The following DNMT1 variants were observed in gnomAD, a reference collection of about 807,000 sequenced individuals.
DNMT1 encodes the protein DNA (cytosine-5)-methyltransferase 1.
In DNMT1, 24 loss-of-function variants were observed where a neutral mutation model predicts 205.3. That is an observed-to-expected ratio of 0.12 (90% CI 0.08 to 0.16). The LOEUF (loss-of-function observed/expected upper bound fraction) is 0.16. DNMT1 is among the 10% of genes least tolerant of loss of function. The pLI, the probability that DNMT1 is intolerant of heterozygous loss-of-function variation, is 1.00. For missense variants in DNMT1, 1,293 were observed against 2,177.7 expected (o/e 0.59, Z 8.09); for synonymous variants, 817 against 839.8 (o/e 0.97, Z 0.47).
chr19:10,159,950 C>T lies in DNMT1; in HGVS notation c.1090-28G>A. 1 of 1,614,208 alleles carries T rather than the reference C, an allele frequency of 6.2e-7. No individual in the cohort carries two copies. Among genetic ancestry groups the T allele is most frequent in the Non-Finnish European group, 8.5e-7 (1 of 1,180,034 alleles). On this transcript the variant is annotated intron_variant, in intron 15 of 40. Coordinates refer to ENST00000359526, the MANE Select transcript of DNMT1 (RefSeq NM_001130823.3). The surrounding 1 kb of genome is among the most constrained non-coding windows in gnomAD (Gnocchi z 5.0). Reference sequence around the variant, plus strand: ...GTGGGAGCAGGAACACAGATGATGGCACTCAGAGAGCAGCTCCCAGCCGCC... The same window carrying T: ...GTGGGAGCAGGAACACAGATGATGGTACTCAGAGAGCAGCTCCCAGCCGCC...
At chr19:10,173,816 G>A in intron 8 of DNMT1, 55 bp downstream of exon 8, 1 of 1,599,682 alleles carries the variant, frequency 6.3e-7, no homozygotes, top group Non-Finnish European at 8.6e-7. Flanking sequence ...AAAGTTTTGT[G>A]ATCAAGATTA....
At chr19:10,164,386 G>A (rs946909689) in intron 11 of DNMT1, among the ~76,000 whole-genome samples, 16 of 152,096 alleles carry the variant, frequency 1.1e-4, no homozygotes, top group Non-Finnish European at 2.1e-4. Flanking sequence ...CAGGTGATCC[G>A]CCCACCTCAG....
intron 4 of DNMT1, 45 bp from the exon 5 acceptor site, chr19:10,180,279 T>C (rs1399300443): frequency 1.3e-6 from 2 of 1,577,016 alleles, no homozygotes; most frequent in Non-Finnish European, 1.7e-6. Context: ...ACCACTGTGC[T>C]CCAGACTGGG....
intron 1 of DNMT1, among the ~76,000 whole-genome samples, chr19:10,192,542 G>A (rs779763616): frequency 4.6e-5 from 7 of 151,404 alleles, no homozygotes; most frequent in Non-Finnish European, 8.9e-5. Flanking sequence ...CAGGAGGATC[G>A]CTTGAGGCCA....
intron 19 of DNMT1, among the ~76,000 whole-genome samples, 195 bp from the exon 20 acceptor site, chr19:10,155,251 G>A (rs757440274): frequency 3.3e-5 from 5 of 152,286 alleles, no homozygotes; most frequent in Admixed American, 6.5e-5. Context: ...GCCAGAGAGC[G>A]AAGACTAGCT....
At position 10,139,715 on chromosome 19, in the gene DNMT1, C is replaced by T. The variant is rs758806907; in HGVS notation, c.3909G>A (p.Leu1303=). 1.2e-5 allele frequency: 20 copies of T among 1,613,720 alleles called. No individual in the cohort carries two copies. Among genetic ancestry groups the T allele is most frequent in the Middle Eastern group, 3.3e-4 (2 of 6,032 alleles). Residue 1303 remains leucine, a synonymous_variant, in exon 34 of 41, where the codon CTG becomes CTA. Transcript: ENST00000359526. The stretch of plus-strand genomic sequence containing the variant: ...AGGTGCACTGATAGCCCATGCGGAC[C>T]AGGCAGCGGAGGGTGAGCTTCAGGA... ...SMVLKLTLRC[L]VRMGYQCTFG... is the part of the protein sequence containing the mutation.
At position 10,139,786 on chromosome 19, in the gene DNMT1, G is replaced by T. The variant is rs1178617228; in HGVS notation, c.3838C>A (p.Leu1280Ile). The change falls in exon 34 of 41, where the codon CTC (leucine) becomes ATC (isoleucine). Residue 1280 changes from leucine to isoleucine, a missense_variant. By Grantham distance (5) the Leu-to-Ile change is conservative. Transcript: ENST00000359526. ...ACAAAGTTCCTGACATTCTCCAGGA[G>T]GAAGAACCGGGGCCGGTAGTAGTCG... ...YCDYYRPRFF[L>I]LENVRNFVSF... is the part of the protein sequence containing the mutation. 3 of 1,597,836 alleles carry T rather than the reference G, an allele frequency of 1.9e-6. No individual in the cohort carries two copies. Among genetic ancestry groups the T allele is most frequent in the Non-Finnish European group, 2.6e-6 (3 of 1,172,586 alleles).
intron 9 of DNMT1, among the ~76,000 whole-genome samples, 154 bp from the exon 10 acceptor site, chr19:10,168,518 G>A (rs566009583): frequency 3.3e-5 from 5 of 152,312 alleles, no homozygotes; most frequent in East Asian, 3.9e-4. Context: ...GCTCATGCCT[G>A]TAATCTCAGA....
chr19:10,169,458 G>A (rs576119792), intron 9 of DNMT1, among the ~76,000 whole-genome samples: 6 of 152,078 alleles, frequency 3.9e-5, no homozygotes, highest in African/African-American at 1.4e-4. Context: ...TGGGGAGGTG[G>A]AGGCAGGAGA....
At chr19:10,189,214 A>C (rs2039253729) in intron 1 of DNMT1, among the ~76,000 whole-genome samples, 1 of 151,336 alleles carries the variant, frequency 6.6e-6, no homozygotes, top group Admixed American at 6.6e-5. Context: ...CCGCCTCCCA[A>C]GTTCAAGCAA....
intron 1 of DNMT1, among the ~76,000 whole-genome samples, chr19:10,187,834 C>G (rs2145402108): frequency 6.6e-6 from 1 of 151,934 alleles, no homozygotes; most frequent in South Asian, 2.1e-4. Flanking sequence ...GAGACCCTGT[C>G]TCTACAAAAA....
At chr19:10,166,501 T>C in intron 11 of DNMT1, 97 bp downstream of exon 11, 1 of 1,468,356 alleles carries the variant, frequency 6.8e-7, no homozygotes, top group Admixed American at 1.8e-5. Context: ...TGGATGGGGC[T>C]GGACTTGAAC....
intron 8 of DNMT1, 95 bp from the exon 9 acceptor site, chr19:10,173,269 T>C: frequency 1.7e-6 from 2 of 1,206,128 alleles, no homozygotes; most frequent in Admixed American, 1.8e-5. Flanking sequence ...CCAAAAGCAA[T>C]CTTCATTATC....
chr19:10,180,704 T>C, intron 3 of DNMT1, 74 bp downstream of exon 3: 1 of 1,519,562 alleles, frequency 6.6e-7, no homozygotes, highest in Non-Finnish European at 9.1e-7. Context: ...GGGATCTTGC[T>C]GCCTCCCTGG....
rs776120784 is a variant in DNMT1, at chr19:10,159,850, G to A, written c.1162C>T (p.Pro388Ser). The change falls in exon 16 of 41, where the codon CCA becomes TCA. Residue 388 changes from proline (P) to serine (S), a missense_variant. Pro to Ser is a moderately conservative substitution (Grantham distance 74). This residue lies in a region of DNMT1 where 120 missense variants were observed against 315.9 expected (regional missense o/e 0.38). Coordinates refer to ENST00000359526, the MANE Select transcript of DNMT1 (RefSeq NM_001130823.3). This position sits in a 1 kb window ranked among gnomAD's most constrained non-coding sequence, Gnocchi z 5.0. ...DPDLKYGQHP[P>S]DAVDEPQMLT... ...AAGAGAGCTGTACGTACCGCGTCTG[G>A]TGGGTGCTGCCCATATTTGAGGTCA... is the stretch of plus-strand genomic sequence containing the variant. The A allele has an allele frequency of 1.9e-6, 3 of 1,614,128 alleles. No individual in the cohort carries two copies. The highest frequency in any genetic ancestry group is 2.7e-5 in the African/African-American group (2 of 74,950).
intron 24 of DNMT1, 135 bp from the exon 25 acceptor site, chr19:10,150,103 G>C (rs2038306907): frequency 2.5e-6 from 2 of 785,928 alleles, no homozygotes; most frequent in Non-Finnish European, 4.4e-6. Context: ...TGCTGCTAAA[G>C]AGAACATCCT....
In DNMT1 at chr19:10,173,901, T is replaced by G; in HGVS notation, c.653A>C (p.Glu218Ala). 6.2e-7 allele frequency: 1 copy of G among 1,613,980 alleles called. No individual in the cohort carries two copies. The highest frequency in any genetic ancestry group is 8.5e-7 in the Non-Finnish European group (1 of 1,179,866). The change falls in exon 8 of 41, where the codon GAG (glutamate) becomes GCG (alanine). Residue 218 changes from glutamate (E) to alanine (A), a missense_variant. Glu to Ala is a moderately radical substitution (Grantham distance 107). Around this residue, in one of 13 missense-constraint regions of DNMT1, gnomAD observed 394 missense variants for 451.6 expected, o/e 0.87. Transcript: ENST00000359526. Reference protein sequence around the residue: ...SIKEEDKDQDEKRRRVTSRER... With the variant: ...SIKEEDKDQDAKRRRVTSRER... ...TCTGGATGTAACTCTACGTCTCTTC[T>G]CATCCTGTGTGGAGGGAAGGAAGAA...
chr19:10,146,564 T>C lies in DNMT1; in HGVS notation c.2721-40A>G. The C allele has an allele frequency of 1.9e-6, 3 of 1,611,810 alleles. No homozygotes were observed. The highest frequency in any genetic ancestry group is 2.5e-6 in the Non-Finnish European group (3 of 1,179,418). On this transcript the variant is annotated intron_variant, in intron 27 of 40. Coordinates refer to ENST00000359526, the MANE Select transcript of DNMT1 (RefSeq NM_001130823.3). The surrounding 1 kb of genome is among the most constrained non-coding windows in gnomAD (Gnocchi z 4.4). ...GGGACAGAAACATAAGGCCCTGAGG[T>C]GGCCGGCAGTGGCCGCAGCAGCTAC...
At chr19:10,144,211 C>T in intron 28 of DNMT1, 1 of 551,066 alleles carries the variant, frequency 1.8e-6, no homozygotes, top group Non-Finnish European at 3.3e-6. Context: ...AGTTCGAGAC[C>T]ACCCTGGCCA....
Sources: gnomAD v4.1 joint callset for allele counts (sites outside exome capture counted in the v4.1 genomes callset) on GRCh38, gnomAD v4.1.1 for gene constraint, gnomAD v4.1.1 regional missense constraint, Gnocchi (gnomAD v3.1) non-coding constraint, MANE v1.5 for transcripts, NCBI Gene and HGNC (gene_info 2026-07-23, HGNC 2026-07-21) for gene names.